PDE12: variants seen among roughly 807,000 people sequenced by gnomAD.
PDE12 encodes phosphodiesterase 12, also known as 2',5'-phosphodiesterase 12.
A neutral mutation model predicts 45.4 loss-of-function variants in PDE12; 26 were observed. The observed-to-expected ratio is 0.57, with a 90% CI of 0.42 to 0.79. The LOEUF is 0.79. PDE12 is among the 30% of genes least tolerant of loss of function. The pLI, the probability that PDE12 is intolerant of heterozygous loss-of-function variation, is 0.00. For missense variants in PDE12, 668 were observed against 790.0 expected, an observed-to-expected ratio of 0.85 and a Z score of 1.85; for synonymous variants, 283 against 323.9, an observed-to-expected ratio of 0.87 and a Z score of 1.36.
the PDE12 span, chr3:57,577,341 T>C: frequency 1.2e-6 from 2 of 1,613,830 alleles, no homozygotes; most frequent in Non-Finnish European, 1.7e-6. Context: ...ATCTGCTACT[T>C]CCTGAATTCT....
the PDE12 span, among the ~76,000 whole-genome samples, chr3:57,630,129 T>A: frequency 6.6e-6 from 1 of 152,192 alleles, no homozygotes; most frequent in Non-Finnish European, 1.5e-5. Flanking sequence ...CACTGTTGGC[T>A]CCACTACTTA....
At chr3:57,559,525 T>A in intron 2 of PDE12, 37 bp from the exon 3 acceptor site, 1 of 1,570,024 alleles carries the variant, frequency 6.4e-7, no homozygotes, top group South Asian at 1.2e-5. Flanking sequence ...AAGACAACTT[T>A]AAAAAATACT....
chr3:57,617,592 G>C, the PDE12 span, among the ~76,000 whole-genome samples: 1 of 152,026 alleles, frequency 6.6e-6, no homozygotes, highest in South Asian at 2.1e-4. Flanking sequence ...GCCAGGCTCG[G>C]TGGCTCACAC....
chr3:57,591,610 G>A, the PDE12 span, among the ~76,000 whole-genome samples: 2 of 152,046 alleles, frequency 1.3e-5, no homozygotes, highest in African/African-American at 4.8e-5. Flanking sequence ...GGGACTACAG[G>A]TATCTGCCAC....
the PDE12 span, among the ~76,000 whole-genome samples, chr3:57,623,548 G>A: frequency 2.0e-5 from 3 of 151,864 alleles, no homozygotes; most frequent in Admixed American, 6.6e-5. Context: ...GTATGGTGGC[G>A]CACGCCTGTA....
the PDE12 span, among the ~76,000 whole-genome samples, chr3:57,654,155 C>T: frequency 2.0e-5 from 3 of 150,952 alleles, no homozygotes; most frequent in Non-Finnish European, 1.5e-5. Flanking sequence ...CGGGGTTTCA[C>T]CGTGTTAGCC....
At chr3:57,630,479 C>T in the PDE12 span, 22 of 1,594,696 alleles carry the variant, frequency 1.4e-5, no homozygotes, top group East Asian at 9.0e-5. Context: ...TTCCTTCCTC[C>T]GGGTCTTAAA....
chr3:57,622,001 C>A, the PDE12 span, among the ~76,000 whole-genome samples: 1 of 152,116 alleles, frequency 6.6e-6, no homozygotes, highest in Non-Finnish European at 1.5e-5. Context: ...CATGGCGAAA[C>A]CCCATCTCTA....
At chr3:57,638,550 CGGGGAG>C in the PDE12 span, among the ~76,000 whole-genome samples, 5 of 151,796 alleles carry the variant, frequency 3.3e-5, no homozygotes, top group African/African-American at 1.2e-4. Flanking sequence ...CTCAGCGACT[CGGGGAG>C]CTAAGGCAGG....
At chr3:57,569,467 T>G (rs2069814951), downstream of PDE12, among the ~76,000 whole-genome samples, 1 of 151,748 alleles carries the variant, frequency 6.6e-6, no homozygotes, top group Non-Finnish European at 1.5e-5. Flanking sequence ...ATTCTCCCAC[T>G]TCAGCCTCTC....
the PDE12 span, among the ~76,000 whole-genome samples, chr3:57,601,839 G>C: frequency 1.4e-5 from 2 of 148,012 alleles, no homozygotes; most frequent in Non-Finnish European, 3.0e-5. Context: ...CTGCCTCCTG[G>C]GTTCAGGTGA....
the PDE12 span, among the ~76,000 whole-genome samples, chr3:57,621,260 G>A: frequency 1.3e-5 from 2 of 152,192 alleles, no homozygotes; most frequent in Admixed American, 1.3e-4. Context: ...AATGGTGCTG[G>A]GACAATTGGA....
At chr3:57,574,970 T>G in the PDE12 span, among the ~76,000 whole-genome samples, 5 of 152,014 alleles carry the variant, frequency 3.3e-5, no homozygotes, top group Non-Finnish European at 5.9e-5. Context: ...TGCCTCAGCC[T>G]TCCTGAGTAG....
At chr3:57,640,571 C>G in the PDE12 span, among the ~76,000 whole-genome samples, 11 of 152,302 alleles carry the variant, frequency 7.2e-5, 1 homozygote, top group East Asian at 1.7e-3. Flanking sequence ...GAGTGAGACT[C>G]TGTCACATAA....
At chr3:57,580,680 C>T in the PDE12 span, among the ~76,000 whole-genome samples, 2 of 152,142 alleles carry the variant, frequency 1.3e-5, no homozygotes, top group African/African-American at 4.8e-5. Flanking sequence ...AGGCATAAGC[C>T]ATAGCACCCG....
chr3:57,632,986 T>C, the PDE12 span, among the ~76,000 whole-genome samples: 9 of 152,306 alleles, frequency 5.9e-5, no homozygotes, highest in South Asian at 1.7e-3. Flanking sequence ...TCATTTAAGA[T>C]TCACAACAGT....
the PDE12 span, among the ~76,000 whole-genome samples, chr3:57,572,647 G>A: frequency 2.6e-5 from 4 of 152,146 alleles, no homozygotes; most frequent in African/African-American, 9.7e-5. Context: ...CTGCACTCCA[G>A]CCTGGGCGAC....
chr3:57,615,205 T>C, the PDE12 span, among the ~76,000 whole-genome samples: 1 of 152,148 alleles, frequency 6.6e-6, no homozygotes, highest in South Asian at 2.1e-4. Context: ...GAAGCCCTTA[T>C]CTTAAATGAA....
At chr3:57,591,530 G>A in the PDE12 span, among the ~76,000 whole-genome samples, 11 of 150,004 alleles carry the variant, frequency 7.3e-5, 1 homozygote, top group East Asian at 7.8e-4. Context: ...GCAATGGCAC[G>A]ATCTCAGCTC....
Sources: gnomAD v4.1 joint callset for allele counts (sites outside exome capture counted in the v4.1 genomes callset) on GRCh38, gnomAD v4.1.1 for gene constraint, MANE v1.5 for transcripts, NCBI Gene and HGNC (gene_info 2026-07-23, HGNC 2026-07-21) for gene names.